Variants in ZNF12 observed in about 807,000 individuals in gnomAD.
ZNF12 encodes gonadotropin inducible transcription repressor 3.
A neutral mutation model predicts 66.6 loss-of-function variants in ZNF12; 34 were observed. The ratio of observed to expected loss-of-function variants is 0.51; its 90% CI spans 0.39 to 0.68. ZNF12 has a LOEUF of 0.68. Ranked by LOEUF, ZNF12 falls within the 30% of genes least tolerant of loss-of-function variation. The pLI, the probability that ZNF12 is intolerant of heterozygous loss-of-function variation, is 0.00. For synonymous variants in ZNF12, 320 were observed against 278.9 expected (o/e 1.15, Z -1.47); for missense variants, 697 against 826.9 (o/e 0.84, Z 1.93).
Position 6,690,789 on chromosome 7 carries a change from G to A in ZNF12, c.*59C>T. 6.8e-7 allele frequency: 1 copy of A among 1,477,228 alleles called. No individual in the cohort carries two copies. Among genetic ancestry groups the A allele is most frequent in the Non-Finnish European group, 9.0e-7 (1 of 1,109,036 alleles). The allele number at this position is 1,477,228 out of a possible 1,614,324, so 91.5% of individuals were successfully genotyped here. On this transcript the variant is annotated 3_prime_UTR_variant, in exon 5 of 5. Coordinates refer to ENST00000405858, the MANE Select transcript of ZNF12 (RefSeq NM_016265.4). ...TGATGTACAAGGTGTTTGACTTCAG[G>A]CAGGAGTTTCTGATTCACTATACTG...
rs1361315757 is a variant in ZNF12 at position 6,706,577 on chromosome 7, C to A, written c.-196G>T. The stretch of plus-strand genomic sequence containing the variant: ...TCCAGAGGGGCCCGGGCCGGGCCTA[C>A]GGGACAAATCCAGGCGGGGCGTCCC... On this transcript the variant is annotated 5_prime_UTR_variant, in exon 1 of 5. Transcript: ENST00000405858. 1 of 461,444 alleles carries A rather than the reference C, an allele frequency of 2.2e-6. No individual in the cohort carries two copies. Among genetic ancestry groups the A allele is most frequent in the Non-Finnish European group, 4.3e-6 (1 of 231,116 alleles). 28.6% of individuals were successfully genotyped at this position (461,444 alleles called of 1,614,324 possible). A position where few individuals can be genotyped will look rare whatever the true frequency, so the allele number is the denominator to read the frequency against.
Position 6,696,981 on chromosome 7 carries a change from A to G in ZNF12, c.238+358T>C, listed in dbSNP as rs1780163825. ...GCACGGTAAAGATTAAAAAAAAAAA[A>G]CCAGAAGTTACACGAAGAACACAAG... On this transcript the variant is annotated intron_variant, in intron 4 of 4. Transcript: ENST00000405858. This position sits in a 1 kb window ranked among gnomAD's most constrained non-coding sequence, Gnocchi z 4.0. 6.6e-6 allele frequency among the ~76,000 whole-genome samples: 1 copy of G among 151,932 alleles called. No individual in the cohort carries two copies. Among genetic ancestry groups the G allele is most frequent in the Middle Eastern group, 3.4e-3 (1 of 294 alleles).
chr7:6,690,707 T>C lies in ZNF12; in HGVS notation c.*141A>G. 1 of 830,930 alleles carries C rather than the reference T, an allele frequency of 1.2e-6. No individual in the cohort carries two copies. Among genetic ancestry groups the C allele is most frequent in the Non-Finnish European group, 1.8e-6 (1 of 552,928 alleles). 51.5% of individuals were successfully genotyped at this position (830,930 alleles called of 1,614,324 possible). A position where few individuals can be genotyped will look rare whatever the true frequency, so the allele number is the denominator to read the frequency against. The stretch of plus-strand genomic sequence containing the variant: ...AATCATGGTTTCCATTCTGTGAGTC[T>C]TCAGATTATGAGTCCAACACACAAG... On this transcript the variant is annotated 3_prime_UTR_variant, in exon 5 of 5. Transcript: ENST00000405858.
At position 6,696,529 on chromosome 7, in the gene ZNF12, TA is replaced by T. The variant is rs200886884; in HGVS notation, c.238+809del. Among the ~76,000 whole-genome samples, 1,588 of 152,174 alleles carry T rather than the reference TA, an allele frequency of 0.01. 11 individuals carry two copies. Among genetic ancestry groups the T allele is most frequent in the Middle Eastern group, 0.075 (22 of 294 alleles). ...GCAACATAAAATAAAAAACAAAGCCTAAAGACTTGGCACTGGAGGCACCCTT... is the reference window on the plus strand; with the variant it reads ...GCAACATAAAATAAAAAACAAAGCCTAAGACTTGGCACTGGAGGCACCCTT... On this transcript the variant is annotated intron_variant, in intron 4 of 4. Transcript: ENST00000405858. This position sits in a 1 kb window ranked among gnomAD's most constrained non-coding sequence, Gnocchi z 4.0.
chr7:6,697,500 G>T lies in ZNF12; in HGVS notation c.143-66C>A. The T allele has an allele frequency of 1.3e-6, 2 of 1,543,660 alleles. No individual in the cohort carries two copies. Among genetic ancestry groups the T allele is most frequent in the Non-Finnish European group, 1.8e-6 (2 of 1,130,350 alleles). On this transcript the variant is annotated intron_variant, in intron 3 of 4. Transcript: ENST00000405858. This position sits in a 1 kb window ranked among gnomAD's most constrained non-coding sequence, Gnocchi z 6.1. ...TTGGCTTCAGGGTCTCTGTCATACA[G>T]GGAAAATTCCATTTGTGTCTTATCA...
In ZNF12 at chr7:6,706,607, G is replaced by A. The variant is rs970822430; in HGVS notation, c.-226C>T. The stretch of plus-strand genomic sequence containing the variant: ...CAAATCCAGGCGGGGCGTCCCTCCC[G>A]GAGCCCAGATCCGTCTCCCTGGGGC... On this transcript the variant is annotated 5_prime_UTR_variant, in exon 1 of 5. Transcript: ENST00000405858. 1.1e-5 allele frequency: 5 copies of A among 453,654 alleles called. No homozygotes were observed. Among genetic ancestry groups the A allele is most frequent in the Non-Finnish European group, 1.8e-5 (4 of 226,396 alleles). 28.1% of individuals were successfully genotyped at this position (453,654 alleles called of 1,614,324 possible). A position where few individuals can be genotyped will look rare whatever the true frequency, so the allele number is the denominator to read the frequency against.
At position 6,691,495 on chromosome 7, in the gene ZNF12, G is replaced by A; in HGVS notation, c.1447C>T (p.His483Tyr). 1.2e-6 allele frequency: 2 copies of A among 1,614,032 alleles called. No individual in the cohort carries two copies. The highest frequency in any genetic ancestry group is 1.7e-6 in the Non-Finnish European group (2 of 1,179,968). Residue 483 changes from histidine (H) to tyrosine (Y), a missense_variant, in exon 5 of 5, where the codon CAT (histidine) becomes TAT (tyrosine). Around this residue, in one of 3 missense-constraint regions of ZNF12, gnomAD observed 401 missense variants for 519.0 expected, o/e 0.77. Transcript: ENST00000405858. ...TFYLNSALMRHQRVHTGEKPY... is the reference protein window; with the variant it reads ...TFYLNSALMRYQRVHTGEKPY... ...TTCTCTCCTGTGTGCACTCTCTGATGTCTCATGAGGGCTGAATTCAGGTAG... is the reference window on the plus strand; with the variant it reads ...TTCTCTCCTGTGTGCACTCTCTGATATCTCATGAGGGCTGAATTCAGGTAG...
rs2115358467 is a variant in ZNF12 at position 6,705,693 on chromosome 7, T to C, written c.-50-470A>G. On this transcript the variant is annotated intron_variant, in intron 1 of 4. Transcript: ENST00000405858. This position sits in a 1 kb window ranked among gnomAD's most constrained non-coding sequence, Gnocchi z 4.0. ...GGGATGGCACCATTGCACTCCAGCC[T>C]GGGCAACAAAGCGAAACTTGTCTCA... Among the ~76,000 whole-genome samples the C allele has an allele frequency of 6.7e-6, 1 of 148,976 alleles. No homozygotes were observed. Among genetic ancestry groups the C allele is most frequent in the East Asian group, 1.9e-4 (1 of 5,184 alleles).
In ZNF12 at chr7:6,691,306, C is replaced by T; in HGVS notation, c.1636G>A (p.Glu546Lys). The change falls in exon 5 of 5, where the codon GAG becomes AAG. Residue 546 changes from glutamate to lysine, a missense_variant. Glu to Lys is a moderately conservative substitution (Grantham distance 56). This residue lies in a region of ZNF12 where 401 missense variants were observed against 519.0 expected (regional missense o/e 0.77). Transcript: ENST00000405858. The part of the protein sequence containing the change: ...LCRHRRIHKG[E>K]KPYECYICGK... Reference sequence around the variant, plus strand: ...CATATATAGCATTCATAGGGCTTCTCTCCTTTGTGTATTCTCCGATGTCTA... The same window carrying T: ...CATATATAGCATTCATAGGGCTTCTTTCCTTTGTGTATTCTCCGATGTCTA... The T allele has an allele frequency of 6.2e-7, 1 of 1,614,058 alleles. No homozygotes were observed. The highest frequency in any genetic ancestry group is 8.5e-7 in the Non-Finnish European group (1 of 1,179,922).
intron 2 of ZNF12, chr7:6,704,183 A>T (rs1780307654): frequency 6.6e-6 from 1 of 152,174 alleles, no homozygotes; most frequent in South Asian, 2.1e-4. Context: ...CTAAAAAAAT[A>T]CAAAAATGAG....
Position 6,691,838 on chromosome 7 carries a change from G to A in ZNF12, c.1104C>T (p.Leu368=), listed in dbSNP as rs1780073693. ...CGKSFCQKTH[L]TQHQRTHSGE... ...CTGAATGTGTTCTCTGATGTTGTGT[G>A]AGGTGTGTCTTCTGGCAAAAGGATT... The change falls in exon 5 of 5, where the codon CTC becomes CTT. Residue 368 remains leucine (L), a synonymous_variant. Coordinates refer to ENST00000405858, the MANE Select transcript of ZNF12 (RefSeq NM_016265.4). The A allele has an allele frequency of 1.9e-6, 3 of 1,614,130 alleles. No individual in the cohort carries two copies. The highest frequency in any genetic ancestry group is 2.5e-6 in the Non-Finnish European group (3 of 1,180,010).
At chr7:6,700,304 T>TATAC (rs1554294764) in intron 2 of ZNF12, among the ~76,000 whole-genome samples, 37 of 129,060 alleles carry the variant, frequency 2.9e-4, no homozygotes, top group African/African-American at 1.1e-3. Flanking sequence ...AAAAAAAATA[T>TATAC]ACACACACAC....
Position 6,691,667 on chromosome 7 carries a change from C to G in ZNF12, c.1275G>C (p.Thr425=). ...GKCFCRKSTL[T]THLRTHTGEK... ...CTCCTGTGTGGGTCCTCAGGTGGGT[C>G]GTGAGAGTAGACTTGCGGCAGAAGC... The change falls in exon 5 of 5, where the codon ACG becomes ACC. Residue 425 remains threonine, a synonymous_variant. Coordinates refer to ENST00000405858, the MANE Select transcript of ZNF12 (RefSeq NM_016265.4). 2 of 1,612,748 alleles carry G rather than the reference C, an allele frequency of 1.2e-6. No homozygotes were observed. The highest frequency in any genetic ancestry group is 1.3e-5 in the African/African-American group (1 of 74,652).
Position 6,688,627 on chromosome 7 carries a change from G to C in ZNF12, c.*2221C>G, listed in dbSNP as rs987922236. ...ACTCACAATCGTCTTGAAGAATATG[G>C]AGAAAAAGTGCTGAGTGACAAAAAC... On this transcript the variant is annotated 3_prime_UTR_variant, in exon 5 of 5. Coordinates refer to ENST00000405858, the MANE Select transcript of ZNF12 (RefSeq NM_016265.4). The surrounding 1 kb of genome is among the most constrained non-coding windows in gnomAD (Gnocchi z 4.3). The C allele has an allele frequency of 6.6e-6, 1 of 152,170 alleles. No individual in the cohort carries two copies. The highest frequency in any genetic ancestry group is 1.5e-5 in the Non-Finnish European group (1 of 68,034). 9.4% of individuals were successfully genotyped at this position (152,170 alleles called of 1,614,324 possible). A position where few individuals can be genotyped will look rare whatever the true frequency, so the allele number is the denominator to read the frequency against.
rs950762227 is a variant in ZNF12, at chr7:6,705,433, G to T, written c.-50-210C>A. Reference sequence around the variant, plus strand: ...CACATGGCTACCTTGTGACTGAGTGGATGAGATTCTCATGGTGAATGAATA... The same window carrying T: ...CACATGGCTACCTTGTGACTGAGTGTATGAGATTCTCATGGTGAATGAATA... On this transcript the variant is annotated intron_variant, in intron 1 of 4. Transcript: ENST00000405858. The surrounding 1 kb of genome is among the most constrained non-coding windows in gnomAD (Gnocchi z 4.0). 6.6e-6 allele frequency among the ~76,000 whole-genome samples: 1 copy of T among 152,232 alleles called. No individual in the cohort carries two copies. The highest frequency in any genetic ancestry group is 2.4e-5 in the African/African-American group (1 of 41,458).
rs1583462408 is a variant in ZNF12, at chr7:6,691,481, G to A, written c.1461C>T (p.His487=). The A allele has an allele frequency of 6.2e-7, 1 of 1,613,978 alleles. No individual in the cohort carries two copies. Among genetic ancestry groups the A allele is most frequent in the East Asian group, 2.2e-5 (1 of 44,850 alleles). The part of the protein sequence containing the change: ...NSALMRHQRV[H]TGEKPYECNE... ...TACATTCGTAAGGTTTCTCTCCTGT[G>A]TGCACTCTCTGATGTCTCATGAGGG... The change falls in exon 5 of 5, where the codon CAC becomes CAT. Residue 487 remains histidine, a synonymous_variant. Coordinates refer to ENST00000405858, the MANE Select transcript of ZNF12 (RefSeq NM_016265.4).
rs577566109 is a variant in ZNF12 at position 6,705,069 on chromosome 7, T to C, written c.15+90A>G. On this transcript the variant is annotated intron_variant, in intron 2 of 4. Coordinates refer to ENST00000405858, the MANE Select transcript of ZNF12 (RefSeq NM_016265.4). The surrounding 1 kb of genome is among the most constrained non-coding windows in gnomAD (Gnocchi z 4.0). The stretch of plus-strand genomic sequence containing the variant: ...GACCAAATCTTGTATCTATTTCTAC[T>C]TTCCCATTTTAAACTTTGAACCCTT... 6 of 1,462,694 alleles carry C rather than the reference T, an allele frequency of 4.1e-6. No homozygotes were observed. The East Asian group carries it at 1.2e-4, about 28-fold the overall frequency. 90.6% of individuals were successfully genotyped at this position (1,462,694 alleles called of 1,614,324 possible). A position where few individuals can be genotyped will look rare whatever the true frequency, so the allele number is the denominator to read the frequency against.
chr7:6,705,244 C>A lies in ZNF12; in HGVS notation c.-50-21G>T. ...CAGATCTGGGGAAGGAAAACCCAAG[C>A]CATGGCGTTATGAGCGGTCTGGCCT... is the stretch of plus-strand genomic sequence containing the variant. On this transcript the variant is annotated intron_variant, in intron 1 of 4. Transcript: ENST00000405858. This position sits in a 1 kb window ranked among gnomAD's most constrained non-coding sequence, Gnocchi z 4.0. 1 of 1,601,586 alleles carries A rather than the reference C, an allele frequency of 6.2e-7. No individual in the cohort carries two copies. The highest frequency in any genetic ancestry group is 1.3e-5 in the African/African-American group (1 of 74,848).
At chr7:6,694,314 A>G (rs12702534) in intron 4 of ZNF12, among the ~76,000 whole-genome samples, 16,134 of 152,240 alleles carry the variant, frequency 0.11, 1,005 homozygotes, top group Middle Eastern at 0.15. Context: ...AAGTGAAACG[A>G]TATCAACCGT....
Sources: allele counts gnomAD v4.1 joint callset (sites outside exome capture counted in the v4.1 genomes callset), GRCh38; gene constraint gnomAD v4.1.1; regional missense constraint gnomAD v4.1.1; non-coding constraint Gnocchi (gnomAD v3.1); transcripts MANE v1.5; gene names NCBI Gene and HGNC (gene_info 2026-07-23, HGNC 2026-07-21).